TP53TG5: variants seen among roughly 807,000 people sequenced by gnomAD.
TP53TG5 encodes the protein TP53-target gene 5 protein.
Under a neutral mutation model 30.0 loss-of-function variants are expected in TP53TG5, and 17 were observed. The observed-to-expected ratio is 0.57, with a 90% CI of 0.39 to 0.85. The LOEUF is 0.85. Among genes scored for constraint, TP53TG5 ranks in the 40% least tolerant of loss-of-function variants. TP53TG5 has a pLI of 0.00. For synonymous variants in TP53TG5, 137 were observed against 139.2 expected (o/e 0.98, Z 0.11); for missense variants, 338 against 367.9 (o/e 0.92, Z 0.67).
chr20:45,374,280 T>C, intron 4 of TP53TG5: 1 of 698,222 alleles, frequency 1.4e-6, no homozygotes, highest in Admixed American at 2.0e-5. Context: ...TTTTTTCCTT[T>C]CTTTTTTTTT....
In TP53TG5 at chr20:45,373,602, G is replaced by A. The variant is rs1600754113; in HGVS notation, c.*305C>T. 1 of 405,432 alleles carries A rather than the reference G, an allele frequency of 2.5e-6. No homozygotes were observed. Among genetic ancestry groups the A allele is most frequent in the East Asian group, 4.4e-5 (1 of 22,956 alleles). The allele number at this position is 405,432 out of a possible 1,614,324, so 25.1% of individuals were successfully genotyped here. A position where few individuals can be genotyped will look rare whatever the true frequency, so the allele number is the denominator to read the frequency against. On this transcript the variant is annotated 3_prime_UTR_variant, in exon 5 of 5. Coordinates refer to ENST00000372726, the MANE Select transcript of TP53TG5 (RefSeq NM_014477.3). The stretch of plus-strand genomic sequence containing the variant: ...TGGGCAAGTTACTTGCTGCCTCCGC[G>A]CCGCGGTTTCCTCTTGCGAGCTCGC...
Position 45,375,325 on chromosome 20 carries a change from C to T in TP53TG5, c.482G>A (p.Arg161Lys), listed in dbSNP as rs1988695450. ...GTTCAAGCTATCATCCCTCGATGTC[C>T]TTGGAACCTCAGGCTCTATATGCTT... ...KEKHIEPEVP[R>K]TSRDDSLNPG... Residue 161 changes from arginine (R) to lysine (K), a missense_variant, in exon 4 of 5, where the codon AGG becomes AAG. Physicochemically the swap from Arg to Lys is conservative, Grantham distance 26. Coordinates refer to ENST00000372726, the MANE Select transcript of TP53TG5 (RefSeq NM_014477.3). The T allele has an allele frequency of 1.2e-6, 2 of 1,614,164 alleles. No individual in the cohort carries two copies. The highest frequency in any genetic ancestry group is 3.3e-5 in the Admixed American group (2 of 60,012).
rs560339510 is a variant in TP53TG5 at position 45,374,277 on chromosome 20, C to G, written c.769-266G>C. The G allele has an allele frequency of 2.0e-4, 138 of 697,372 alleles. 2 individuals carry two copies. Among genetic ancestry groups the G allele is most frequent in the South Asian group, 1.8e-3 (121 of 66,552 alleles). The allele number at this position is 697,372 out of a possible 1,614,324, so 43.2% of individuals were successfully genotyped here. On this transcript the variant is annotated intron_variant, in intron 4 of 4. Coordinates refer to ENST00000372726, the MANE Select transcript of TP53TG5 (RefSeq NM_014477.3). ...TCTGCTCAGAGTAAATCTTTTTTTCCTTTCTTTTTTTTTAAGACAGGGTCT... is the reference window on the plus strand; with the variant it reads ...TCTGCTCAGAGTAAATCTTTTTTTCGTTTCTTTTTTTTTAAGACAGGGTCT...
In TP53TG5 at chr20:45,375,519, A is replaced by G. The variant is rs75989623; in HGVS notation, c.288T>C (p.Asn96=). ...ENSACNKTKQ[N]NEEFQEIGCS... Reference sequence around the variant, plus strand: ...ACCCGATCTCCTGGAACTCTTCATTATTTTGTTTTGTTTTATTGCAGGCAC... The same window carrying G: ...ACCCGATCTCCTGGAACTCTTCATTGTTTTGTTTTGTTTTATTGCAGGCAC... Residue 96 remains asparagine, a synonymous_variant, in exon 4 of 5, where the codon AAT becomes AAC. Coordinates refer to ENST00000372726, the MANE Select transcript of TP53TG5 (RefSeq NM_014477.3). The G allele has an allele frequency of 9.3e-6, 13 of 1,399,944 alleles. No homozygotes were observed. The African/African-American group carries it at 2.3e-4, about 25-fold the overall frequency. The allele number at this position is 1,399,944 out of a possible 1,614,324, so 86.7% of individuals were successfully genotyped here.
chr20:45,374,982 G>A lies in TP53TG5; in HGVS notation c.768+57C>T, dbSNP rs1988679495. 2.6e-6 allele frequency: 4 copies of A among 1,566,558 alleles called. No homozygotes were observed. The Admixed American group carries it at 7.0e-5, about 28-fold the overall frequency. ...AACCCTGACTCTGGGGCCCAGCTCT[G>A]GGCCTGGCTTGGGGCTTGCATCTCA... On this transcript the variant is annotated intron_variant, in intron 4 of 4. Transcript: ENST00000372726.
rs532662566 is a variant in TP53TG5, at chr20:45,374,889, C to A, written c.768+150G>T. On this transcript the variant is annotated intron_variant, in intron 4 of 4. Transcript: ENST00000372726. Reference sequence around the variant, plus strand: ...TATGATGTTGGTCTAAGGCTTCCCCCTCTCTGGACATGAAGGCGGAGCCTC... The same window carrying A: ...TATGATGTTGGTCTAAGGCTTCCCCATCTCTGGACATGAAGGCGGAGCCTC... 844 of 1,079,926 alleles carry A rather than the reference C, an allele frequency of 7.8e-4. 1 individual carries two copies. Among genetic ancestry groups the A allele is most frequent in the Admixed American group, 2.0e-3 (81 of 40,720 alleles). 66.9% of individuals were successfully genotyped at this position (1,079,926 alleles called of 1,614,324 possible). A position where few individuals can be genotyped will look rare whatever the true frequency, so the allele number is the denominator to read the frequency against.
At position 45,375,175 on chromosome 20, in the gene TP53TG5, A is replaced by C; in HGVS notation, c.632T>G (p.Phe211Cys). The stretch of plus-strand genomic sequence containing the variant: ...GTGGATTCGTGTGGGCAGCCCCTCA[A>C]ACCAGATCCACTGGTCGGCTACATC... The part of the protein sequence containing the change: ...QLDVADQWIW[F>C]EGLPTRIHLP... Residue 211 changes from phenylalanine (F) to cysteine (C), a missense_variant, in exon 4 of 5, where the codon TTT becomes TGT. Coordinates refer to ENST00000372726, the MANE Select transcript of TP53TG5 (RefSeq NM_014477.3). The C allele has an allele frequency of 6.2e-7, 1 of 1,614,142 alleles. No individual in the cohort carries two copies. Among genetic ancestry groups the C allele is most frequent in the Non-Finnish European group, 8.5e-7 (1 of 1,180,016 alleles).
chr20:45,374,459 A>G (rs1034109859), intron 4 of TP53TG5: 6 of 571,310 alleles, frequency 1.1e-5, no homozygotes, highest in Middle Eastern at 4.6e-4. Flanking sequence ...TTTTGTAGAG[A>G]CAGTGTCTCA....
At chr20:45,377,089 A>G (rs1241667980) in intron 3 of TP53TG5, 123 bp downstream of exon 3, 3 of 1,309,558 alleles carry the variant, frequency 2.3e-6, no homozygotes. Flanking sequence ...AAATAGAGTT[A>G]ATAAATACCT....
Position 45,375,110 on chromosome 20 carries a change from G to A in TP53TG5, c.697C>T (p.Arg233Cys), listed in dbSNP as rs768479722. The A allele has an allele frequency of 4.1e-5, 66 of 1,613,910 alleles. No homozygotes were observed. The Admixed American group carries it at 4.2e-4, about 10-fold the overall frequency. The part of the protein sequence containing the change: ...PRVMCRSSTL[R>C]WVKRRCTRFC... ...CGGGTGCAGCGGCGCTTGACCCAAC[G>A]CAGGGTGGAGGATCTGCACATCACC... The change falls in exon 4 of 5, where the codon CGT becomes TGT. Residue 233 changes from arginine (R) to cysteine (C), a missense_variant. By Grantham distance (180) the Arg-to-Cys change is radical. Coordinates refer to ENST00000372726, the MANE Select transcript of TP53TG5 (RefSeq NM_014477.3).
At chr20:45,374,105 G>A in intron 4 of TP53TG5, 94 bp from the exon 5 acceptor site, 1 of 1,187,534 alleles carries the variant, frequency 8.4e-7, no homozygotes, top group Non-Finnish European at 1.2e-6. Flanking sequence ...GTGCTGTGGT[G>A]TCTGGTAGGT....
chr20:45,377,185 C>T, intron 3 of TP53TG5, 27 bp downstream of exon 3: 2 of 1,611,500 alleles, frequency 1.2e-6, no homozygotes, highest in African/African-American at 2.7e-5. Context: ...CATTTGGGTC[C>T]ATTATGGGGG....
rs768421746 is a variant in TP53TG5 at position 45,375,553 on chromosome 20, C to G, written c.255-1G>C. The G allele has an allele frequency of 1.2e-6, 2 of 1,603,008 alleles. No individual in the cohort carries two copies. The highest frequency in any genetic ancestry group is 2.2e-5 in the South Asian group (2 of 90,510). On this transcript the variant is annotated splice_acceptor_variant, in intron 3 of 4. Transcript: ENST00000372726. LOFTEE classifies it high-confidence loss of function. ...TGTTTTATTGCAGGCACTGTTTTCC[C>G]TGGCAGGGAGAGGAAAGGCAGTCAG...
intron 3 of TP53TG5, chr20:45,375,930 C>A (rs1182652796): frequency 5.1e-6 from 1 of 195,586 alleles, no homozygotes; most frequent in African/African-American, 2.4e-5. Context: ...ATGTCACCTC[C>A]CCTGACCCAC....
intron 4 of TP53TG5, 55 bp downstream of exon 4, chr20:45,374,984 G>T: frequency 3.8e-6 from 6 of 1,568,518 alleles, no homozygotes; most frequent in Non-Finnish European, 4.3e-6. Flanking sequence ...CCAGCTCTGG[G>T]CCTGGCTTGG....
At position 45,373,711 on chromosome 20, in the gene TP53TG5, C is replaced by A. The variant is rs1265754000; in HGVS notation, c.*196G>T. 1 of 547,184 alleles carries A rather than the reference C, an allele frequency of 1.8e-6. No homozygotes were observed. The highest frequency in any genetic ancestry group is 3.1e-6 in the Non-Finnish European group (1 of 320,860). 33.9% of individuals were successfully genotyped at this position (547,184 alleles called of 1,614,324 possible). The stretch of plus-strand genomic sequence containing the variant: ...GCGCGCCACTCAGGAGACTAGCTCG[C>A]GGAGGTGGGGGAGGGGTGCTGCTCG... On this transcript the variant is annotated 3_prime_UTR_variant, in exon 5 of 5. Transcript: ENST00000372726.
chr20:45,375,029 T>C lies in TP53TG5; in HGVS notation c.768+10A>G. The C allele has an allele frequency of 6.2e-7, 1 of 1,607,616 alleles. No homozygotes were observed. Among genetic ancestry groups the C allele is most frequent in the Non-Finnish European group, 8.5e-7 (1 of 1,175,066 alleles). On this transcript the variant is annotated intron_variant, in intron 4 of 4. Coordinates refer to ENST00000372726, the MANE Select transcript of TP53TG5 (RefSeq NM_014477.3). ...CTCACCTAGCCTGGCAGTGTTGTTG[T>C]CACACCCACCTTGTATGGATGCCAC... is the stretch of plus-strand genomic sequence containing the variant.
Position 45,375,097 on chromosome 20 carries a change from C to T in TP53TG5, c.710G>A (p.Arg237His), listed in dbSNP as rs1248573675. ...TGCGGAGCAGAAGCGGGTGCAGCGGCGCTTGACCCAACGCAGGGTGGAGGA... is the reference window on the plus strand; with the variant it reads ...TGCGGAGCAGAAGCGGGTGCAGCGGTGCTTGACCCAACGCAGGGTGGAGGA... ...CRSSTLRWVK[R>H]RCTRFCSASL... Residue 237 changes from arginine to histidine, a missense_variant, in exon 4 of 5, where the codon CGC becomes CAC. Transcript: ENST00000372726. The T allele has an allele frequency of 6.2e-6, 10 of 1,613,958 alleles. No homozygotes were observed. Among genetic ancestry groups the T allele is most frequent in the South Asian group, 2.2e-5 (2 of 91,092 alleles).
Position 45,373,937 on chromosome 20 carries a change from A to C in TP53TG5, c.843T>G (p.Asn281Lys). The C allele has an allele frequency of 6.2e-7, 1 of 1,613,060 alleles. No individual in the cohort carries two copies. Among genetic ancestry groups the C allele is most frequent in the East Asian group, 2.2e-5 (1 of 44,776 alleles). Residue 281 changes from asparagine (N) to lysine (K), a missense_variant, in exon 5 of 5, where the codon AAT becomes AAG. Asn to Lys is a moderately conservative substitution (Grantham distance 94). Transcript: ENST00000372726. Reference protein sequence around the residue: ...WRSRHQLKGRNGWRNSRVYK With the variant: ...WRSRHQLKGRKGWRNSRVYK Reference sequence around the variant, plus strand: ...TGTAGACTCGTGAATTTCGCCACCCATTCCTCCCCTTCAGCTGATGGCGCG... The same window carrying C: ...TGTAGACTCGTGAATTTCGCCACCCCTTCCTCCCCTTCAGCTGATGGCGCG...
Sources: gnomAD v4.1 joint callset for allele counts on GRCh38, gnomAD v4.1.1 for gene constraint, MANE v1.5 for transcripts, NCBI Gene and HGNC (gene_info 2026-07-23, HGNC 2026-07-21) for gene names.